The following ARL15 variants were observed in gnomAD, a reference collection of about 807,000 sequenced individuals.
ARL15 encodes ARF like GTPase 15.
Under a neutral mutation model 25.2 loss-of-function variants are expected in ARL15, and 19 were observed. That is an observed-to-expected ratio of 0.75 (90% CI 0.53 to 1.10). The LOEUF (loss-of-function observed/expected upper bound fraction) is 1.10, where lower values mean the gene tolerates loss of function less well. Ranked by LOEUF, ARL15 falls within the 50% of genes least tolerant of loss-of-function variation. The pLI, the probability that ARL15 is intolerant of heterozygous loss-of-function variation, is 0.00. For missense variants in ARL15, 220 were observed against 246.0 expected, an observed-to-expected ratio of 0.89 and a Z score of 0.71; for synonymous variants, 94 against 86.8, an observed-to-expected ratio of 1.08 and a Z score of -0.46.
chr5:54,250,055 C>A (rs1285651077), intron 1 of ARL15, among the ~76,000 whole-genome samples: 1 of 152,142 alleles, frequency 6.6e-6, no homozygotes, highest in Non-Finnish European at 1.5e-5. Flanking sequence ...GTACAGGAAG[C>A]ATGGCACTGG....
At chr5:53,996,900 T>C (rs66872223) in intron 4 of ARL15, among the ~76,000 whole-genome samples, 41,270 of 151,930 alleles carry the variant, frequency 0.27, 5,812 homozygotes, top group East Asian at 0.46. Flanking sequence ...GGACACAGGC[T>C]CAACATATCT....
intron 4 of ARL15, among the ~76,000 whole-genome samples, chr5:54,050,934 T>C (rs1302040218): frequency 6.6e-6 from 1 of 152,188 alleles, no homozygotes; most frequent in Admixed American, 6.5e-5. Context: ...TTGGCTCAAA[T>C]GTGATTTTAA....
chr5:54,298,238 A>G (rs1303684914), intron 1 of ARL15, among the ~76,000 whole-genome samples: 3 of 151,986 alleles, frequency 2.0e-5, no homozygotes, highest in Non-Finnish European at 4.4e-5. Flanking sequence ...ACCCTTACCA[A>G]TCTAACGGCC....
intron 1 of ARL15, among the ~76,000 whole-genome samples, chr5:54,173,651 C>T (rs1754783466): frequency 6.6e-6 from 1 of 152,298 alleles, no homozygotes; most frequent in South Asian, 2.1e-4. Flanking sequence ...CATCAATATC[C>T]TCCCACTAGT....
chr5:54,268,057 G>T (rs1757675361), intron 1 of ARL15, among the ~76,000 whole-genome samples: 1 of 152,000 alleles, frequency 6.6e-6, no homozygotes, highest in African/African-American at 2.4e-5. Flanking sequence ...ATATCCTGCA[G>T]AGTGTTTTCC....
chr5:54,106,388 T>C (rs980618645), intron 4 of ARL15, among the ~76,000 whole-genome samples: 3 of 152,056 alleles, frequency 2.0e-5, no homozygotes, highest in Non-Finnish European at 4.4e-5. Context: ...AGAAAGGATG[T>C]ATGGTAAGAT....
At chr5:54,132,837 G>T (rs1350212884) in intron 3 of ARL15, among the ~76,000 whole-genome samples, 1 of 152,112 alleles carries the variant, frequency 6.6e-6, no homozygotes, top group African/African-American at 2.4e-5. Context: ...TCTTTGTTTT[G>T]CTGGGTTTTA....
intron 1 of ARL15, among the ~76,000 whole-genome samples, chr5:54,282,980 G>C (rs1758096204): frequency 1.3e-5 from 2 of 152,154 alleles, no homozygotes; most frequent in Admixed American, 1.3e-4. Context: ...TCTTTAGCTG[G>C]AGAAATATTT....
At chr5:54,140,731 T>C (rs905554010) in intron 3 of ARL15, among the ~76,000 whole-genome samples, 5 of 152,170 alleles carry the variant, frequency 3.3e-5, no homozygotes, top group Admixed American at 2.6e-4. Flanking sequence ...AAATAAGGTC[T>C]GGATGGAAAA....
intron 2 of ARL15, among the ~76,000 whole-genome samples, chr5:54,169,167 TATACAG>T (rs1218042028): frequency 1.3e-5 from 2 of 152,210 alleles, no homozygotes; most frequent in African/African-American, 4.8e-5. Context: ...AAGAAAATTA[TATACAG>T]ATAATCTTTT....
intron 3 of ARL15, among the ~76,000 whole-genome samples, chr5:54,116,706 CT>C (rs889971142): frequency 3.3e-5 from 5 of 152,300 alleles, no homozygotes; most frequent in South Asian, 2.1e-4. Flanking sequence ...TATTAAATCA[CT>C]TACCCATGAC....
At chr5:53,888,686 G>T (rs566873858) in intron 4 of ARL15, among the ~76,000 whole-genome samples, 5 of 152,136 alleles carry the variant, frequency 3.3e-5, no homozygotes, top group Non-Finnish European at 7.3e-5. Context: ...TGAAATTCCT[G>T]GTGCAAAGAC....
At chr5:54,005,602 G>A (rs956485088) in intron 4 of ARL15, among the ~76,000 whole-genome samples, 2 of 151,902 alleles carry the variant, frequency 1.3e-5, no homozygotes, top group South Asian at 4.1e-4. Context: ...GGTAGCTCAC[G>A]CCTGTAATCC....
chr5:54,190,853 T>C (rs903799513), intron 1 of ARL15, among the ~76,000 whole-genome samples: 1 of 152,152 alleles, frequency 6.6e-6, no homozygotes, highest in Non-Finnish European at 1.5e-5. Context: ...TGTACACTGT[T>C]GGGAAGAATG....
intron 3 of ARL15, among the ~76,000 whole-genome samples, chr5:54,148,570 T>G (rs1199913582): frequency 6.6e-6 from 1 of 152,190 alleles, no homozygotes; most frequent in African/African-American, 2.4e-5. Context: ...CTTCATGAAC[T>G]TTCCCCTTTT....
chr5:54,209,342 AGAGAGAG>A (rs1755968866), intron 1 of ARL15, among the ~76,000 whole-genome samples: 1 of 142,080 alleles, frequency 7.0e-6, no homozygotes, highest in African/African-American at 3.1e-5. Context: ...AAAGAGAGAG[AGAGAGAG>A]AGAGAGGCTA....
At chr5:54,159,274 GA>G (rs1217631552) in intron 2 of ARL15, among the ~76,000 whole-genome samples, 1 of 152,118 alleles carries the variant, frequency 6.6e-6, no homozygotes, top group Non-Finnish European at 1.5e-5. Flanking sequence ...CTTAGGAGGG[GA>G]GGGAAAAAGT....
At chr5:54,278,651 G>T (rs1757979428) in intron 1 of ARL15, among the ~76,000 whole-genome samples, 2 of 152,116 alleles carry the variant, frequency 1.3e-5, no homozygotes, top group South Asian at 2.1e-4. Context: ...GTCTCAATTT[G>T]TTCTGGGCTT....
chr5:54,097,640 T>C (rs1271038617), intron 4 of ARL15, among the ~76,000 whole-genome samples: 1 of 152,238 alleles, frequency 6.6e-6, no homozygotes, highest in Non-Finnish European at 1.5e-5. Context: ...TAGGTTCCTA[T>C]AATAACATTT....
Sources: allele counts gnomAD v4.1 joint callset (sites outside exome capture counted in the v4.1 genomes callset), GRCh38; gene constraint gnomAD v4.1.1; transcripts MANE v1.5; gene names NCBI Gene and HGNC (gene_info 2026-07-23, HGNC 2026-07-21).